C2CD2: variants seen among roughly 807,000 people sequenced by gnomAD.
C2CD2 encodes C2 domain-containing protein 2.
C2CD2 carries 43 observed loss-of-function variants against 74.3 expected under a neutral mutation model. The observed-to-expected ratio is 0.58, with a 90% confidence interval of 0.45 to 0.75. The LOEUF is 0.75. C2CD2 is among the 30% of genes least tolerant of loss of function. The pLI, the probability that C2CD2 is intolerant of heterozygous loss-of-function variation, is 0.00. For synonymous variants in C2CD2, 422 were observed against 390.7 expected (o/e 1.08, Z -0.94); for missense variants, 801 against 916.3 (o/e 0.87, Z 1.63).
intron 7 of C2CD2, among the ~76,000 whole-genome samples, chr21:41,910,064 G>A (rs944274545): frequency 4.0e-5 from 6 of 150,426 alleles, no homozygotes; most frequent in South Asian, 2.1e-4. Flanking sequence ...GAACTCCTGA[G>A]CTCAAGCCAT....
intron 8 of C2CD2, among the ~76,000 whole-genome samples, chr21:41,908,978 G>A (rs1001810368): frequency 6.7e-6 from 1 of 150,322 alleles, no homozygotes; most frequent in African/African-American, 2.5e-5. Context: ...CATACAGGCA[G>A]TAGAGTAGGG....
In C2CD2 at chr21:41,899,339, G is replaced by C; in HGVS notation, c.1584C>G (p.Asp528Glu). 3.1e-6 allele frequency: 5 copies of C among 1,607,502 alleles called. No homozygotes were observed. Among genetic ancestry groups the C allele is most frequent in the Non-Finnish European group, 4.2e-6 (5 of 1,179,964 alleles). Reference sequence around the variant, plus strand: ...CCGTGTAGCCCTGCATCAGGGCAGCGTCGTGGTCCTGAGATAGTGAGGTCT... The same window carrying C: ...CCGTGTAGCCCTGCATCAGGGCAGCCTCGTGGTCCTGAGATAGTGAGGTCT... Reference protein sequence around the residue: ...ISKTSLSQDHDAALMQGYTAS... With the variant: ...ISKTSLSQDHEAALMQGYTAS... Residue 528 changes from aspartate (D) to glutamate (E), a missense_variant, in exon 13 of 14, where the codon GAC (aspartate) becomes GAG (glutamate). Asp to Glu is a conservative substitution (Grantham distance 45, BLOSUM62 2). Transcript: ENST00000380486. The surrounding 1 kb of genome is among the most constrained non-coding windows in gnomAD (Gnocchi z 4.4).
rs113122199 is a variant in C2CD2, at chr21:41,918,886, G to A, written c.567C>T (p.Ala189=). ...SWSFISVPEM[A]VNIQPKALGE... Reference sequence around the variant, plus strand: ...CCAGTGCTTTGGGCTGGATATTAACGGCCATTTCCGGCACACTGATGAAAG... The same window carrying A: ...CCAGTGCTTTGGGCTGGATATTAACAGCCATTTCCGGCACACTGATGAAAG... Residue 189 remains alanine (A), a synonymous_variant, in exon 4 of 14, where the codon GCC becomes GCT. Coordinates refer to ENST00000380486, the MANE Select transcript of C2CD2 (RefSeq NM_015500.2). The A allele has an allele frequency of 4.0e-5, 65 of 1,613,940 alleles. No homozygotes were observed. The highest frequency in any genetic ancestry group is 1.6e-4 in the Middle Eastern group (1 of 6,076).
In C2CD2 at chr21:41,896,238, G is replaced by GATC. The variant is rs574738163; in HGVS notation, c.1870+2812_1870+2814dup. On this transcript the variant is annotated intron_variant, in intron 13 of 13. Coordinates refer to ENST00000380486, the MANE Select transcript of C2CD2 (RefSeq NM_015500.2). ...GGCAATTAATTCTGGTTGGCATAGCGATCCTCTTAAGTTAAAGGGAATGAG... is the reference window on the plus strand; with the variant it reads ...GGCAATTAATTCTGGTTGGCATAGCGATCATCCTCTTAAGTTAAAGGGAATGAG... 6.6e-4 allele frequency among the ~76,000 whole-genome samples: 100 copies of GATC among 152,270 alleles called. No homozygotes were observed. The South Asian group carries it at 6.9e-3, about 10-fold the overall frequency.
At position 41,885,640 on chromosome 21, in the gene C2CD2, G is replaced by A. The variant is rs974613211; in HGVS notation, c.*3484C>T. ...TGTTTTCCGTCAGACAGAGATACGTGTCCTGCCTTCCACCATCCACCAATT... is the reference window on the plus strand; with the variant it reads ...TGTTTTCCGTCAGACAGAGATACGTATCCTGCCTTCCACCATCCACCAATT... On this transcript the variant is annotated 3_prime_UTR_variant, in exon 14 of 14. Coordinates refer to ENST00000380486, the MANE Select transcript of C2CD2 (RefSeq NM_015500.2). 1 of 152,604 alleles carries A rather than the reference G, an allele frequency of 6.6e-6. No individual in the cohort carries two copies. The highest frequency in any genetic ancestry group is 1.5e-5 in the Non-Finnish European group (1 of 68,050). The allele number at this position is 152,604 out of a possible 1,614,324, so 9.5% of individuals were successfully genotyped here.
At chr21:41,914,453 A>T in intron 6 of C2CD2, 145 bp downstream of exon 6, 1 of 587,428 alleles carries the variant, frequency 1.7e-6, no homozygotes, top group Non-Finnish European at 2.9e-6. Context: ...TTACATTTTC[A>T]GGTGCTTTCT....
In C2CD2 at chr21:41,903,310, AT is replaced by A. The variant is rs1341311469; in HGVS notation, c.1433-1562del. Among the ~76,000 whole-genome samples the A allele has an allele frequency of 6.6e-6, 1 of 152,130 alleles. No homozygotes were observed. Among genetic ancestry groups the A allele is most frequent in the Non-Finnish European group, 1.5e-5 (1 of 68,030 alleles). On this transcript the variant is annotated intron_variant, in intron 11 of 13. Coordinates refer to ENST00000380486, the MANE Select transcript of C2CD2 (RefSeq NM_015500.2). The surrounding 1 kb of genome is among the most constrained non-coding windows in gnomAD (Gnocchi z 4.5). ...CGAGGAGTGTGTCATGGAAACCCCA[AT>A]TTGTAGCCAAGTGGGACAAAAGTGT...
At chr21:41,906,936 T>C (rs1323176641) in intron 10 of C2CD2, 56 bp downstream of exon 10, 3 of 1,385,042 alleles carry the variant, frequency 2.2e-6, no homozygotes, top group Non-Finnish European at 3.1e-6. Context: ...GGGGGCAAGG[T>C]GGTTACAGGC....
In C2CD2 at chr21:41,953,741, G is replaced by A; in HGVS notation, c.-93C>T. 3 of 1,186,308 alleles carry A rather than the reference G, an allele frequency of 2.5e-6. No homozygotes were observed. Among genetic ancestry groups the A allele is most frequent in the Non-Finnish European group, 3.2e-6 (3 of 944,420 alleles). 73.5% of individuals were successfully genotyped at this position (1,186,308 alleles called of 1,614,324 possible). On this transcript the variant is annotated 5_prime_UTR_variant, in exon 1 of 14. Transcript: ENST00000380486. ...CACGCGCTGGCTGCGGCCACAGCGC[G>A]CTGGGGGCGTGGAGGGGGCGCGGCG...
intron 13 of C2CD2, among the ~76,000 whole-genome samples, chr21:41,890,084 A>G (rs184473720): frequency 1.2e-4 from 18 of 152,296 alleles, no homozygotes; most frequent in Admixed American, 1.0e-3. Context: ...CCCAGAAAGG[A>G]TGGTCACACT....
At chr21:41,934,273 T>TA (rs1013599623) in intron 2 of C2CD2, among the ~76,000 whole-genome samples, 1 of 151,340 alleles carries the variant, frequency 6.6e-6, no homozygotes, top group Non-Finnish European at 1.5e-5. Flanking sequence ...ACAGAAAAAA[T>TA]AAAAAAACTA....
intron 2 of C2CD2, among the ~76,000 whole-genome samples, chr21:41,935,748 A>T (rs906824643): frequency 6.6e-6 from 1 of 152,096 alleles, no homozygotes; most frequent in African/African-American, 2.4e-5. Context: ...GCTACTCGGG[A>T]GGCTGAGGCA....
chr21:41,913,425 G>A (rs1420199728), intron 6 of C2CD2, among the ~76,000 whole-genome samples: 3 of 152,204 alleles, frequency 2.0e-5, no homozygotes, highest in African/African-American at 7.2e-5. Context: ...CACTCTTCAA[G>A]AGAAGACTCA....
chr21:41,898,507 C>G (rs373219625), intron 13 of C2CD2, among the ~76,000 whole-genome samples: 106 of 152,354 alleles, frequency 7.0e-4, no homozygotes, highest in African/African-American at 2.2e-3. Flanking sequence ...TGGAAGCAAT[C>G]AGTACTAATG....
chr21:41,950,138 A>G (rs757119619), intron 1 of C2CD2, among the ~76,000 whole-genome samples: 72 of 151,972 alleles, frequency 4.7e-4, no homozygotes, highest in Non-Finnish European at 8.5e-4. Context: ...AAGTATCATA[A>G]TAAAAAAAAA....
In C2CD2 at chr21:41,939,973, G is replaced by A. The variant is rs974058585; in HGVS notation, c.378+2174C>T. ...ACTGTCTGTGCGGACTGAGCATCCC[G>A]AATCCGAACATCCCAAATCTGAAAC... On this transcript the variant is annotated intron_variant, in intron 2 of 13. Transcript: ENST00000380486. This position sits in a 1 kb window ranked among gnomAD's most constrained non-coding sequence, Gnocchi z 5.5. Among the ~76,000 whole-genome samples, 1 of 152,182 alleles carries A rather than the reference G, an allele frequency of 6.6e-6. No homozygotes were observed. Among genetic ancestry groups the A allele is most frequent in the African/African-American group, 2.4e-5 (1 of 41,444 alleles).
At chr21:41,914,772 G>C in intron 5 of C2CD2, 51 bp from the exon 6 acceptor site, 1 of 1,571,394 alleles carries the variant, frequency 6.4e-7, no homozygotes, top group Non-Finnish European at 8.7e-7. Flanking sequence ...GAGATTGAGG[G>C]CCAAGGAAGT....
Position 41,926,084 on chromosome 21 carries a change from C to G in C2CD2, c.379-3999G>C, listed in dbSNP as rs560665543. Among the ~76,000 whole-genome samples the G allele has an allele frequency of 6.6e-6, 1 of 152,276 alleles. No homozygotes were observed. Among genetic ancestry groups the G allele is most frequent in the Non-Finnish European group, 1.5e-5 (1 of 68,020 alleles). On this transcript the variant is annotated intron_variant, in intron 2 of 13. Coordinates refer to ENST00000380486, the MANE Select transcript of C2CD2 (RefSeq NM_015500.2). The surrounding 1 kb of genome is among the most constrained non-coding windows in gnomAD (Gnocchi z 8.0). ...AATTATTTGGCATAGGCGGCAGTGA[C>G]AGTGAACTCCTCAGAGGACAGGAGT...
chr21:41,952,999 T>G, intron 1 of C2CD2: 4 of 228,290 alleles, frequency 1.8e-5, no homozygotes, highest in Non-Finnish European at 2.6e-5. Context: ...CAGCTATTCA[T>G]GTATCATGTG....
Sources: gnomAD v4.1 joint callset for allele counts (sites outside exome capture counted in the v4.1 genomes callset) on GRCh38, gnomAD v4.1.1 for gene constraint, Gnocchi (gnomAD v3.1) non-coding constraint, MANE v1.5 for transcripts, NCBI Gene and HGNC (gene_info 2026-07-23, HGNC 2026-07-21) for gene names.